The following CPA6 variants were observed in gnomAD, a reference collection of about 807,000 sequenced individuals.
The protein encoded by CPA6 is carboxypeptidase A6, also known as carboxypeptidase B.
CPA6 carries 58 observed loss-of-function variants against 63.3 expected under a neutral mutation model. The ratio of observed to expected loss-of-function variants is 0.92; its 90% CI spans 0.74 to 1.14. CPA6 has a LOEUF of 1.14. CPA6 is among the 50% of genes most tolerant of loss of function. CPA6 has a pLI of 0.00. For missense variants in CPA6, 565 were observed against 526.6 expected, an observed-to-expected ratio of 1.07 and a Z score of -0.71; for synonymous variants, 185 against 179.0, an observed-to-expected ratio of 1.03 and a Z score of -0.27.
intron 1 of CPA6, among the ~76,000 whole-genome samples, chr8:67,699,731 G>C (rs1443586665): frequency 6.6e-6 from 1 of 152,036 alleles, no homozygotes; most frequent in Non-Finnish European, 1.5e-5. Context: ...GGGATTACAG[G>C]TGTGCACCAC....
chr8:67,539,300 T>C (rs1481532306), intron 2 of CPA6, among the ~76,000 whole-genome samples: 1 of 152,228 alleles, frequency 6.6e-6, no homozygotes, highest in African/African-American at 2.4e-5. Context: ...AAAATTCTTT[T>C]CTTTAAGAAC....
intron 2 of CPA6, among the ~76,000 whole-genome samples, chr8:67,557,345 C>T (rs1034782165): frequency 4.6e-5 from 7 of 152,032 alleles, no homozygotes; most frequent in Admixed American, 2.6e-4. Context: ...GCATGTTTAC[C>T]GAGAGTTAGG....
At chr8:67,626,103 T>C (rs907734354) in intron 1 of CPA6, among the ~76,000 whole-genome samples, 1 of 152,212 alleles carries the variant, frequency 6.6e-6, no homozygotes, top group Non-Finnish European at 1.5e-5. Flanking sequence ...GTAAGTTTCC[T>C]GAGGCCTCCC....
rs142958167 is a variant in CPA6, at chr8:67,642,134, A to G, written c.117-17883T>C. Among the ~76,000 whole-genome samples, 725 of 152,284 alleles carry G rather than the reference A, an allele frequency of 4.8e-3. 2 individuals carry two copies. Among genetic ancestry groups the G allele is most frequent in the Non-Finnish European group, 6.4e-3 (434 of 68,016 alleles). On this transcript the variant is annotated intron_variant, in intron 1 of 10. Transcript: ENST00000297770. ...GTCAGGAGCTTGAGACCAGTCCAAC[A>G]TGGTGAAACACCAACTGTACTAAAA...
chr8:67,432,083 GGT>G (rs1226296672), intron 9 of CPA6, among the ~76,000 whole-genome samples: 6 of 152,158 alleles, frequency 3.9e-5, no homozygotes, highest in Admixed American at 3.9e-4. Flanking sequence ...GAGTGCTAAG[GGT>G]GTCTTTTGGA....
chr8:67,705,411 T>A (rs1817113273), intron 1 of CPA6, among the ~76,000 whole-genome samples: 2 of 152,204 alleles, frequency 1.3e-5, no homozygotes, highest in South Asian at 4.2e-4. Context: ...GCCTACTCTG[T>A]GCTAATCTTT....
At chr8:67,608,686 C>A (rs1814728993) in intron 2 of CPA6, among the ~76,000 whole-genome samples, 1 of 152,208 alleles carries the variant, frequency 6.6e-6, no homozygotes, top group Non-Finnish European at 1.5e-5. Flanking sequence ...GCTAAAGGAA[C>A]ACTGTAATAC....
At chr8:67,674,443 A>G (rs1018185894) in intron 1 of CPA6, among the ~76,000 whole-genome samples, 3 of 152,246 alleles carry the variant, frequency 2.0e-5, no homozygotes, top group African/African-American at 7.2e-5. Flanking sequence ...ATGACTACCT[A>G]AAGTCTTCTG....
At chr8:67,683,066 C>T (rs1461156383) in intron 1 of CPA6, among the ~76,000 whole-genome samples, 2 of 152,228 alleles carry the variant, frequency 1.3e-5, no homozygotes, top group Non-Finnish European at 2.9e-5. Flanking sequence ...TCTGGGTCCA[C>T]CCGGGCTTCC....
intron 8 of CPA6, among the ~76,000 whole-genome samples, chr8:67,444,140 C>T (rs1187436271): frequency 2.0e-5 from 3 of 151,906 alleles, no homozygotes; most frequent in African/African-American, 7.2e-5. Context: ...TACAGGCACC[C>T]GCCACCACAC....
chr8:67,672,128 C>A (rs759895355), intron 1 of CPA6, among the ~76,000 whole-genome samples: 16 of 152,094 alleles, frequency 1.1e-4, no homozygotes, highest in Non-Finnish European at 1.6e-4. Context: ...CCGCACCCGG[C>A]CTTCTCATGC....
At position 67,533,123 on chromosome 8, in the gene CPA6, C is replaced by T. The variant is rs184038815; in HGVS notation, c.193-15076G>A. On this transcript the variant is annotated intron_variant, in intron 2 of 10. Coordinates refer to ENST00000297770, the MANE Select transcript of CPA6 (RefSeq NM_020361.5). ...GTTTCTAGTTTAACTGGAAGAAAAA[C>T]CACTCAATCATGGAATTTAGCACAT... is the stretch of plus-strand genomic sequence containing the variant. Among the ~76,000 whole-genome samples the T allele has an allele frequency of 1.0e-3, 156 of 152,234 alleles. 1 individual carries two copies. In the Middle Eastern group the frequency reaches 0.014, roughly 13 times the overall value.
chr8:67,693,031 T>A (rs546746263), intron 1 of CPA6, among the ~76,000 whole-genome samples: 2 of 152,280 alleles, frequency 1.3e-5, no homozygotes, highest in Admixed American at 6.5e-5. Context: ...CTCAGAACAC[T>A]GCCATCTGTA....
At position 67,486,672 on chromosome 8, in the gene CPA6, T is replaced by A. The variant is rs993436844; in HGVS notation, c.637-1883A>T. On this transcript the variant is annotated intron_variant, in intron 6 of 10. Transcript: ENST00000297770. ...TACCCTATTGTGATTTGGGGGTATC[T>A]AAAAATTATATTTGTAGAATATTTT... Among the ~76,000 whole-genome samples the A allele has an allele frequency of 2.8e-4, 43 of 152,340 alleles. No individual in the cohort carries two copies. In the South Asian group the frequency reaches 3.1e-3, roughly 11 times the overall value.
intron 9 of CPA6, among the ~76,000 whole-genome samples, chr8:67,428,621 C>G (rs1365254896): frequency 6.6e-6 from 1 of 152,160 alleles, no homozygotes; most frequent in Non-Finnish European, 1.5e-5. Flanking sequence ...GTAGCTGGGA[C>G]TACAAGCGCG....
chr8:67,673,383 T>A (rs935660246), intron 1 of CPA6, among the ~76,000 whole-genome samples: 2 of 106,016 alleles, frequency 1.9e-5, no homozygotes, highest in Non-Finnish European at 1.8e-5. Flanking sequence ...TATTATTATT[T>A]ATTTATTTTT....
chr8:67,447,047 T>C (rs940037418), intron 8 of CPA6, among the ~76,000 whole-genome samples: 9 of 149,510 alleles, frequency 6.0e-5, no homozygotes, highest in Non-Finnish European at 1.2e-4. Flanking sequence ...CATATATATA[T>C]ACACACACAT....
At chr8:67,655,645 A>G (rs1815966098) in intron 1 of CPA6, among the ~76,000 whole-genome samples, 2 of 152,104 alleles carry the variant, frequency 1.3e-5, no homozygotes, top group South Asian at 2.1e-4. Flanking sequence ...AGCAGATCAC[A>G]TAGGCTGATT....
intron 1 of CPA6, among the ~76,000 whole-genome samples, chr8:67,626,467 C>T (rs1218707712): frequency 2.0e-5 from 3 of 152,170 alleles, no homozygotes; most frequent in Non-Finnish European, 4.4e-5. Flanking sequence ...AACTTTACAG[C>T]TTTGATTTCC....
Sources: gnomAD v4.1 joint callset for allele counts (sites outside exome capture counted in the v4.1 genomes callset) on GRCh38, gnomAD v4.1.1 for gene constraint, MANE v1.5 for transcripts, NCBI Gene and HGNC (gene_info 2026-07-23, HGNC 2026-07-21) for gene names.